The following CKMT2 variants were observed in gnomAD, a reference collection of about 807,000 sequenced individuals.
CKMT2 encodes creatine kinase, mitochondrial 2.
In CKMT2, 43 loss-of-function variants were observed where a neutral mutation model predicts 48.9. That is an observed-to-expected ratio of 0.88 (90% CI 0.69 to 1.13). The LOEUF (loss-of-function observed/expected upper bound fraction) is 1.13, where lower values mean the gene tolerates loss of function less well. CKMT2 is among the 50% of genes most tolerant of loss of function. CKMT2 has a pLI of 0.00. For missense variants in CKMT2, 472 were observed against 555.4 expected, an observed-to-expected ratio of 0.85 and a Z score of 1.51; for synonymous variants, 206 against 213.0, an observed-to-expected ratio of 0.97 and a Z score of 0.29.
At chr5:81,236,597 A>G (rs1326003363) in intron 1 of CKMT2, among the ~76,000 whole-genome samples, 1 of 152,170 alleles carries the variant, frequency 6.6e-6, no homozygotes, top group Non-Finnish European at 1.5e-5. Context: ...CAGTCGGTGT[A>G]TAGGGTTGGA....
At chr5:81,244,069 G>C (rs569008795) in intron 1 of CKMT2, 3 of 985,370 alleles carry the variant, frequency 3.0e-6, no homozygotes, top group Non-Finnish European at 3.6e-6. Context: ...CCTTTGTCCC[G>C]TTTCACACTA....
Position 81,234,752 on chromosome 5 carries a change from CG to C in CKMT2, c.-21+1381del, listed in dbSNP as rs758157058. 3.9e-5 allele frequency among the ~76,000 whole-genome samples: 6 copies of C among 152,122 alleles called. No homozygotes were observed. In the East Asian group the frequency reaches 1.2e-3, roughly 29 times the overall value. On this transcript the variant is annotated intron_variant, in intron 1 of 9. Coordinates refer to ENST00000254035, the MANE Select transcript of CKMT2 (RefSeq NM_001099735.2). ...TTCCTAAGGAAACTGTGGGTTGGGT[CG>C]GGGGGAGTACCATACAGAATGGGGA...
intron 6 of CKMT2, 41 bp from the exon 7 acceptor site, chr5:81,257,692 A>G: frequency 6.4e-7 from 1 of 1,571,030 alleles, no homozygotes; most frequent in Non-Finnish European, 8.7e-7. Context: ...TGTTGAAACA[A>G]ATGCAATTAA....
rs201334756 is a variant in CKMT2, at chr5:81,266,142, G to A, written c.1144G>A (p.Glu382Lys). Reference sequence around the variant, plus strand: ...TTCATCTTCTTCACTGTCAAAGGTTGAGCTTGTTCAGATAGTCATCGATGG... The same window carrying A: ...TTCATCTTCTTCACTGTCAAAGGTTAAGCTTGTTCAGATAGTCATCGATGG... ...NIDRIGRSEV[E>K]LVQIVIDGVN... Residue 382 changes from glutamate (E) to lysine (K), a missense_variant, in exon 10 of 10, where the codon GAG becomes AAG. Transcript: ENST00000254035. 2 of 1,612,282 alleles carry A rather than the reference G, an allele frequency of 1.2e-6. No homozygotes were observed. The highest frequency in any genetic ancestry group is 2.2e-5 in the East Asian group (1 of 44,842).
At chr5:81,261,357 A>C (rs937523814) in intron 8 of CKMT2, among the ~76,000 whole-genome samples, 1 of 152,234 alleles carries the variant, frequency 6.6e-6, no homozygotes, top group Non-Finnish European at 1.5e-5. Flanking sequence ...TGGCCAGGGC[A>C]ATCAGGCAAG....
chr5:81,236,140 G>A (rs1756236832), intron 1 of CKMT2: 2 of 152,294 alleles, frequency 1.3e-5, no homozygotes, highest in African/African-American at 4.8e-5. Flanking sequence ...CAGGGAAAGA[G>A]AACAAGTTTA....
chr5:81,255,665 T>C (rs1425190494), intron 5 of CKMT2, among the ~76,000 whole-genome samples: 2 of 152,188 alleles, frequency 1.3e-5, no homozygotes, highest in African/African-American at 4.8e-5. Context: ...AGCAAGCCTC[T>C]GCATTTCCTG....
intron 1 of CKMT2, among the ~76,000 whole-genome samples, chr5:81,241,580 T>C (rs1021367015): frequency 6.6e-6 from 1 of 152,170 alleles, no homozygotes; most frequent in African/African-American, 2.4e-5. Flanking sequence ...TCCTAGAAAC[T>C]TGAGTTTTAT....
chr5:81,259,635 C>T (rs1757140115), intron 8 of CKMT2, among the ~76,000 whole-genome samples: 1 of 152,094 alleles, frequency 6.6e-6, no homozygotes, highest in Non-Finnish European at 1.5e-5. Context: ...TTGCTAGGCC[C>T]CACCTGCAGA....
At chr5:81,243,513 TTAGAA>T (rs1315779005) in intron 1 of CKMT2, among the ~76,000 whole-genome samples, 3 of 152,220 alleles carry the variant, frequency 2.0e-5, no homozygotes, top group African/African-American at 7.2e-5. Flanking sequence ...GTATATAATA[TTAGAA>T]TAGAGATACA....
At chr5:81,242,523 C>T (rs1244257248) in intron 1 of CKMT2, 2 of 480,654 alleles carry the variant, frequency 4.2e-6, no homozygotes, top group Admixed American at 2.2e-5. Context: ...GTGTTCAGCA[C>T]AAAGGGCCTT....
intron 1 of CKMT2, chr5:81,238,795 G>A (rs555587836): frequency 1.3e-5 from 2 of 152,432 alleles, no homozygotes; most frequent in East Asian, 3.9e-4. Flanking sequence ...CTTCTAGAAA[G>A]CCCTCTCTGA....
chr5:81,260,230 G>A (rs988925797), intron 8 of CKMT2, among the ~76,000 whole-genome samples: 1 of 151,848 alleles, frequency 6.6e-6, no homozygotes, highest in African/African-American at 2.4e-5. Flanking sequence ...GTGTTTAGAG[G>A]GAAATTTATA....
chr5:81,245,850 C>T (rs1411091907), intron 1 of CKMT2, among the ~76,000 whole-genome samples: 1 of 152,164 alleles, frequency 6.6e-6, no homozygotes, highest in East Asian at 1.9e-4. Flanking sequence ...CAACACTCTG[C>T]TCTCAAACTG....
At chr5:81,249,363 G>A (rs1232825590) in intron 1 of CKMT2, among the ~76,000 whole-genome samples, 1 of 152,158 alleles carries the variant, frequency 6.6e-6, no homozygotes, top group South Asian at 2.1e-4. Flanking sequence ...TTACAGGCAT[G>A]AGCCACCATC....
intron 1 of CKMT2, among the ~76,000 whole-genome samples, chr5:81,239,810 A>G (rs555543278): frequency 1.5e-4 from 23 of 152,256 alleles, no homozygotes; most frequent in African/African-American, 5.5e-4. Flanking sequence ...AAGAGTGTGG[A>G]CTATGACTGC....
intron 2 of CKMT2, among the ~76,000 whole-genome samples, chr5:81,251,651 TC>T (rs34345589): frequency 6.6e-6 from 1 of 152,200 alleles, no homozygotes; most frequent in Admixed American, 6.5e-5. Context: ...AAATATGCTT[TC>T]CCCTGCTGGA....
intron 2 of CKMT2, 144 bp from the exon 3 acceptor site, chr5:81,252,551 T>G: frequency 1.3e-6 from 1 of 759,366 alleles, no homozygotes; most frequent in Non-Finnish European, 2.1e-6. Context: ...TATTCATTTA[T>G]GACTCCTAGG....
rs527915579 is a variant in CKMT2, at chr5:81,252,984, G to T, written c.351+91G>T. 1.5e-4 allele frequency: 208 copies of T among 1,404,180 alleles called. 3 individuals are homozygous for T. The South Asian group carries it at 2.3e-3, about 16-fold the overall frequency. 87.0% of individuals were successfully genotyped at this position (1,404,180 alleles called of 1,614,324 possible). The stretch of plus-strand genomic sequence containing the variant: ...CCTGGGGTCCTTTTCTTCTCTATGG[G>T]GCCAACTTTCTGCCTTCTCAGGAAG... On this transcript the variant is annotated intron_variant, in intron 3 of 9. Coordinates refer to ENST00000254035, the MANE Select transcript of CKMT2 (RefSeq NM_001099735.2).
Sources: allele counts gnomAD v4.1 joint callset (sites outside exome capture counted in the v4.1 genomes callset), GRCh38; gene constraint gnomAD v4.1.1; transcripts MANE v1.5; gene names NCBI Gene and HGNC (gene_info 2026-07-23, HGNC 2026-07-21).